Variants in CA1 observed in about 807,000 individuals in gnomAD.
CA1 encodes the protein carbonic anhydrase 1.
Under a neutral mutation model 28.8 loss-of-function variants are expected in CA1, and 27 were observed. The observed-to-expected ratio is 0.94, with a 90% CI of 0.69 to 1.29. The LOEUF is 1.29. Among genes scored for constraint, CA1 ranks in the 50% most tolerant of loss-of-function variants. The pLI, the probability that CA1 is intolerant of heterozygous loss-of-function variation, is 0.00. For synonymous variants in CA1, 121 were observed against 108.8 expected (o/e 1.11, Z -0.70); for missense variants, 335 against 310.5 (o/e 1.08, Z -0.59).
At chr8:85,370,171 T>C (rs1810162898) in intron 1 of CA1, among the ~76,000 whole-genome samples, 1 of 152,244 alleles carries the variant, frequency 6.6e-6, no homozygotes, top group Admixed American at 6.5e-5. Flanking sequence ...TTAATACCTG[T>C]AATTTATAAG....
chr8:85,351,930 GACTTGA>G (rs1336492596), intron 1 of CA1: 3 of 152,194 alleles, frequency 2.0e-5, no homozygotes, highest in South Asian at 2.1e-4. Context: ...ACTGATGAAA[GACTTGA>G]ACTGCAGTGT....
intron 1 of CA1, among the ~76,000 whole-genome samples, chr8:85,344,246 A>T (rs1445244979): frequency 1.1e-5 from 1 of 90,520 alleles, no homozygotes; most frequent in Admixed American, 1.2e-4. Context: ...ATATATAATT[A>T]TATATTATAT....
chr8:85,374,527 G>T (rs1323874804), intron 1 of CA1, among the ~76,000 whole-genome samples: 1 of 152,166 alleles, frequency 6.6e-6, no homozygotes, highest in Non-Finnish European at 1.5e-5. Flanking sequence ...TGTAACATAT[G>T]ATGTGGTTTT....
intron 6 of CA1, among the ~76,000 whole-genome samples, chr8:85,331,986 C>T (rs945667091): frequency 6.6e-6 from 1 of 152,042 alleles, no homozygotes; most frequent in Admixed American, 6.6e-5. Context: ...CAAAACATGA[C>T]AAATCTCTGA....
intron 2 of CA1, among the ~76,000 whole-genome samples, chr8:85,339,079 A>G (rs182118467): frequency 1.1e-3 from 161 of 152,318 alleles, no homozygotes; most frequent in Non-Finnish European, 2.1e-3. Context: ...ATCTATACTC[A>G]TAGTCTATAG....
chr8:85,351,050 G>A (rs1809392118), intron 1 of CA1, among the ~76,000 whole-genome samples: 1 of 152,166 alleles, frequency 6.6e-6, no homozygotes, highest in Admixed American at 6.5e-5. Flanking sequence ...GCTTGCAGCT[G>A]GCAACAGCTG....
At chr8:85,336,627 A>G (rs1447282554) in intron 4 of CA1, among the ~76,000 whole-genome samples, 1 of 152,190 alleles carries the variant, frequency 6.6e-6, no homozygotes, top group African/African-American at 2.4e-5. Context: ...GGTGTGTTCC[A>G]TTTGGGGTTA....
intron 1 of CA1, 47 bp from the exon 2 acceptor site, chr8:85,341,706 G>A: frequency 2.0e-6 from 2 of 1,016,600 alleles, no homozygotes; most frequent in Admixed American, 1.7e-5. Flanking sequence ...AACTGTGCAT[G>A]CAGGAGATGC....
At chr8:85,360,344 TA>T (rs760554349) in intron 1 of CA1, among the ~76,000 whole-genome samples, 1 of 152,116 alleles carries the variant, frequency 6.6e-6, no homozygotes, top group Non-Finnish European at 1.5e-5. Context: ...ATCTAAAAGG[TA>T]AAAAATTTTT....
chr8:85,362,071 T>A (rs909696913), intron 1 of CA1, among the ~76,000 whole-genome samples: 4 of 152,144 alleles, frequency 2.6e-5, no homozygotes, highest in African/African-American at 4.8e-5. Context: ...AATCAAGGGG[T>A]TGGCAGGGTT....
Position 85,333,621 on chromosome 8 carries a change from C to T in CA1, c.355-1G>A, listed in dbSNP as rs1808507734. 1 of 1,587,690 alleles carries T rather than the reference C, an allele frequency of 6.3e-7. No individual in the cohort carries two copies. Among genetic ancestry groups the T allele is most frequent in the African/African-American group, 1.3e-5 (1 of 74,278 alleles). On this transcript the variant is annotated splice_acceptor_variant, in intron 4 of 7. Transcript: ENST00000523022. LOFTEE classifies it high-confidence loss of function. The stretch of plus-strand genomic sequence containing the variant: ...CAGAATTCCAGTGAGCTACGTGAAG[C>T]TAAAAATGATACTATGGTTAATTAA...
intron 1 of CA1, among the ~76,000 whole-genome samples, chr8:85,377,807 A>C (rs986852394): frequency 6.6e-6 from 1 of 152,172 alleles, no homozygotes; most frequent in Admixed American, 6.5e-5. Context: ...TGTCTCAAAA[A>C]AAAAAAAGGT....
rs1176817331 is a variant in CA1 at position 85,341,490 on chromosome 8, T to C, written c.37+109A>G. The C allele has an allele frequency of 1.6e-5, 12 of 764,572 alleles. 1 individual carries two copies. The highest frequency in any genetic ancestry group is 1.3e-4 in the Admixed American group (7 of 53,488). The allele number at this position is 764,572 out of a possible 1,614,324, so 47.4% of individuals were successfully genotyped here. On this transcript the variant is annotated intron_variant, in intron 2 of 7. Transcript: ENST00000523022. Reference sequence around the variant, plus strand: ...TAGTATAATTATTTAAAGCAGACAGTTCAACAATTAACCTATAGCTGTACA... The same window carrying C: ...TAGTATAATTATTTAAAGCAGACAGCTCAACAATTAACCTATAGCTGTACA...
At chr8:85,362,455 G>A (rs1172892563) in intron 1 of CA1, among the ~76,000 whole-genome samples, 4 of 152,102 alleles carry the variant, frequency 2.6e-5, no homozygotes, top group Non-Finnish European at 4.4e-5. Context: ...TGATGGTGGC[G>A]TTTGAAGGTG....
At chr8:85,353,668 CAA>C (rs1355680383) in intron 1 of CA1, among the ~76,000 whole-genome samples, 2 of 151,666 alleles carry the variant, frequency 1.3e-5, no homozygotes, top group Non-Finnish European at 2.9e-5. Flanking sequence ...GGCCATTATA[CAA>C]AGAGTATTTT....
intron 6 of CA1, among the ~76,000 whole-genome samples, chr8:85,332,121 G>A (rs1012590613): frequency 5.3e-5 from 8 of 152,090 alleles, no homozygotes; most frequent in African/African-American, 1.7e-4. Context: ...TATCTCAAAA[G>A]AATGCCCTTT....
intron 3 of CA1, chr8:85,338,020 A>G (rs1808732994): frequency 3.0e-6 from 2 of 666,420 alleles, no homozygotes; most frequent in East Asian, 2.9e-5. Context: ...TGACGAGAAG[A>G]GACGTGATGG....
At chr8:85,368,535 GT>G (rs369913435) in intron 1 of CA1, among the ~76,000 whole-genome samples, 3,246 of 147,082 alleles carry the variant, frequency 0.022, 119 homozygotes, top group African/African-American at 0.075. Flanking sequence ...ATATGGAGGT[GT>G]TTTTTTTTTC....
At chr8:85,333,736 A>C in intron 4 of CA1, 116 bp from the exon 5 acceptor site, 1 of 691,470 alleles carries the variant, frequency 1.4e-6, no homozygotes, top group Non-Finnish European at 2.6e-6. Flanking sequence ...CATAAAACTT[A>C]TGTGAACCTT....
Sources: allele counts gnomAD v4.1 joint callset (sites outside exome capture counted in the v4.1 genomes callset), GRCh38; gene constraint gnomAD v4.1.1; transcripts MANE v1.5; gene names NCBI Gene and HGNC (gene_info 2026-07-23, HGNC 2026-07-21).